The following ZNF71 variants were observed in gnomAD, a reference collection of about 807,000 sequenced individuals.
ZNF71 encodes the protein zinc finger protein 71.
In ZNF71, 3 loss-of-function variants were observed where a neutral mutation model predicts 6.7. The ratio of observed to expected loss-of-function variants is 0.45; its 90% CI spans 0.20 to 1.16. ZNF71 has a LOEUF of 1.16. ZNF71 is among the 50% of genes most tolerant of loss of function. The probability of loss-of-function intolerance (pLI) is 0.25; values close to 1 mark genes in which losing one functional copy is unlikely to be tolerated. For missense variants in ZNF71, 688 were observed against 728.6 expected, an observed-to-expected ratio of 0.94 and a Z score of 0.64; for synonymous variants, 343 against 311.1, an observed-to-expected ratio of 1.10 and a Z score of -1.08.
intron 1 of ZNF71, among the ~76,000 whole-genome samples, chr19:56,596,310 G>C (rs531975932): frequency 2.8e-4 from 42 of 152,140 alleles, no homozygotes; most frequent in Admixed American, 2.1e-3. Context: ...TGATGTTTGC[G>C]TGTGACTCTG....
chr19:56,619,983 C>T (rs1487977445), intron 3 of ZNF71, among the ~76,000 whole-genome samples: 1 of 152,124 alleles, frequency 6.6e-6, no homozygotes, highest in African/African-American at 2.4e-5. Context: ...AGGTATTTAG[C>T]CAGGGAGGGT....
chr19:56,622,361 G>A lies in ZNF71; in HGVS notation c.1254G>A (p.Glu418=). The A allele has an allele frequency of 6.2e-7, 1 of 1,612,610 alleles. No individual in the cohort carries two copies. The change falls in exon 4 of 4, where the codon GAG becomes GAA. Residue 418 remains glutamate (E), a synonymous_variant. Coordinates refer to ENST00000599599, the MANE Select transcript of ZNF71 (RefSeq NM_001370215.1). ...GCGTGAAGCCGTTCGAGTGCAGCGA[G>A]TGCGGCAAGGCCTTCAGCAAGAACT... ...HIGVKPFECS[E]CGKAFSKNSS...
Position 56,622,816 on chromosome 19 carries a change from G to A in ZNF71, c.*59G>A. On this transcript the variant is annotated 3_prime_UTR_variant, in exon 4 of 4. Transcript: ENST00000599599. ...CAGGACGGACGCCAGATGGCTGCGC[G>A]CTTTGTCAGCAGTGCTGTGAGAAGT... 6.5e-7 allele frequency: 1 copy of A among 1,537,964 alleles called. No homozygotes were observed. Among genetic ancestry groups the A allele is most frequent in the Non-Finnish European group, 8.8e-7 (1 of 1,140,440 alleles).
At position 56,622,797 on chromosome 19, in the gene ZNF71, G is replaced by A. The variant is rs201319397; in HGVS notation, c.*40G>A. Reference sequence around the variant, plus strand: ...GGCTCTCACTGGCGGTGCCCAGGACGGACGCCAGATGGCTGCGCGCTTTGT... The same window carrying A: ...GGCTCTCACTGGCGGTGCCCAGGACAGACGCCAGATGGCTGCGCGCTTTGT... On this transcript the variant is annotated 3_prime_UTR_variant, in exon 4 of 4. Transcript: ENST00000599599. The A allele has an allele frequency of 5.2e-6, 8 of 1,552,796 alleles. No individual in the cohort carries two copies. Among genetic ancestry groups the A allele is most frequent in the East Asian group, 4.5e-5 (2 of 44,338 alleles).
At chr19:56,614,799 A>T (rs1483618942) in intron 3 of ZNF71, among the ~76,000 whole-genome samples, 1 of 152,208 alleles carries the variant, frequency 6.6e-6, no homozygotes, top group Non-Finnish European at 1.5e-5. Flanking sequence ...GTGCATACCC[A>T]GGAAACCATC....
rs962726445 is a variant in ZNF71 at position 56,618,246 on chromosome 19, C to T, written c.161-3022C>T. On this transcript the variant is annotated intron_variant, in intron 3 of 3. Coordinates refer to ENST00000599599, the MANE Select transcript of ZNF71 (RefSeq NM_001370215.1). This position sits in a 1 kb window ranked among gnomAD's most constrained non-coding sequence, Gnocchi z 4.6. ...CTGTGCCTCAGGTGTATTGTGCCCTCGAGTACATCTCTGACTCCATTCTTG... is the reference window on the plus strand; with the variant it reads ...CTGTGCCTCAGGTGTATTGTGCCCTTGAGTACATCTCTGACTCCATTCTTG... Among the ~76,000 whole-genome samples the T allele has an allele frequency of 3.9e-5, 6 of 152,238 alleles. No homozygotes were observed. The highest frequency in any genetic ancestry group is 1.2e-4 in the African/African-American group (5 of 41,458).
chr19:56,606,527 T>G (rs946191882), intron 2 of ZNF71, among the ~76,000 whole-genome samples: 1 of 152,172 alleles, frequency 6.6e-6, no homozygotes, highest in Non-Finnish European at 1.5e-5. Flanking sequence ...TTGGGGTTGA[T>G]GGGCTCAGCT....
rs1169211321 is a variant in ZNF71, at chr19:56,621,904, G to A, written c.797G>A (p.Arg266His). Reference protein sequence around the residue: ...SQRMNLTVHQRTHTGEKPYVC... With the variant: ...SQRMNLTVHQHTHTGEKPYVC... Reference sequence around the variant, plus strand: ...CGCATGAACCTCACTGTGCACCAGCGCACGCACACGGGCGAGAAGCCGTAT... The same window carrying A: ...CGCATGAACCTCACTGTGCACCAGCACACGCACACGGGCGAGAAGCCGTAT... Residue 266 changes from arginine to histidine, a missense_variant, in exon 4 of 4, where the codon CGC becomes CAC. Physicochemically the swap from Arg to His is conservative, Grantham distance 29. Coordinates refer to ENST00000599599, the MANE Select transcript of ZNF71 (RefSeq NM_001370215.1). The A allele has an allele frequency of 6.2e-7, 1 of 1,613,406 alleles. No individual in the cohort carries two copies. The highest frequency in any genetic ancestry group is 1.3e-5 in the African/African-American group (1 of 74,876).
rs139078518 is a variant in ZNF71 at position 56,619,947 on chromosome 19, G to A, written c.161-1321G>A. Among the ~76,000 whole-genome samples, 100 of 152,342 alleles carry A rather than the reference G, an allele frequency of 6.6e-4. 1 individual carries two copies. The highest frequency in any genetic ancestry group is 2.3e-3 in the African/African-American group (95 of 41,580). ...TTTAGAAATGAACAGGATACACGTG[G>A]AAGGTGATTGAAGCTGTGGGCACAG... On this transcript the variant is annotated intron_variant, in intron 3 of 3. Transcript: ENST00000599599.
rs1600585132 is a variant in ZNF71 at position 56,603,020 on chromosome 19, G to A, written c.33+1429G>A. Among the ~76,000 whole-genome samples, 1 of 152,142 alleles carries A rather than the reference G, an allele frequency of 6.6e-6. No individual in the cohort carries two copies. Among genetic ancestry groups the A allele is most frequent in the South Asian group, 2.1e-4 (1 of 4,818 alleles). On this transcript the variant is annotated intron_variant, in intron 2 of 3. Transcript: ENST00000599599. This position sits in a 1 kb window ranked among gnomAD's most constrained non-coding sequence, Gnocchi z 4.6. ...TTGATTTTGCTATATAAATGTGTCAGTAGACTTATTTGGGAGCTTTGGTTT... is the reference window on the plus strand; with the variant it reads ...TTGATTTTGCTATATAAATGTGTCAATAGACTTATTTGGGAGCTTTGGTTT...
In ZNF71 at chr19:56,623,090, A is replaced by G. The variant is rs975605256; in HGVS notation, c.*333A>G. 1 of 301,402 alleles carries G rather than the reference A, an allele frequency of 3.3e-6. No individual in the cohort carries two copies. The highest frequency in any genetic ancestry group is 6.6e-6 in the Non-Finnish European group (1 of 152,632). 18.7% of individuals were successfully genotyped at this position (301,402 alleles called of 1,614,324 possible). A position where few individuals can be genotyped will look rare whatever the true frequency, so the allele number is the denominator to read the frequency against. On this transcript the variant is annotated 3_prime_UTR_variant, in exon 4 of 4. Transcript: ENST00000599599. The stretch of plus-strand genomic sequence containing the variant: ...TGGGACAGGTCACGCCTGCCTCCAC[A>G]TCTCTGTTTCTTCAGCGGGAAAGTG...
intron 3 of ZNF71, among the ~76,000 whole-genome samples, chr19:56,619,132 A>G (rs1412127526): frequency 6.6e-6 from 1 of 152,182 alleles, no homozygotes; most frequent in African/African-American, 2.4e-5. Context: ...AATTTTTTAA[A>G]TTTTATATTT....
intron 3 of ZNF71, among the ~76,000 whole-genome samples, chr19:56,615,558 G>GTTTT (rs60056272): frequency 1.4e-5 from 2 of 141,016 alleles, no homozygotes; most frequent in Admixed American, 7.1e-5. Context: ...GTCTTTTCCT[G>GTTTT]TTTTTTTTTT....
intron 1 of ZNF71, among the ~76,000 whole-genome samples, chr19:56,597,517 T>G (rs751801576): frequency 6.6e-6 from 1 of 152,298 alleles, no homozygotes; most frequent in South Asian, 2.1e-4. Flanking sequence ...TGTGTCCACA[T>G]CCACATGTTT....
At chr19:56,602,383 A>C (rs1198055404) in intron 2 of ZNF71, among the ~76,000 whole-genome samples, 1 of 152,232 alleles carries the variant, frequency 6.6e-6, no homozygotes, top group Admixed American at 6.5e-5. Flanking sequence ...TTTCCACATC[A>C]GTTACGGCGG....
rs1323226980 is a variant in ZNF71 at position 56,618,283 on chromosome 19, C to T, written c.161-2985C>T. Among the ~76,000 whole-genome samples the T allele has an allele frequency of 6.6e-6, 1 of 152,178 alleles. No individual in the cohort carries two copies. The highest frequency in any genetic ancestry group is 1.5e-5 in the Non-Finnish European group (1 of 68,040). On this transcript the variant is annotated intron_variant, in intron 3 of 3. Coordinates refer to ENST00000599599, the MANE Select transcript of ZNF71 (RefSeq NM_001370215.1). This position sits in a 1 kb window ranked among gnomAD's most constrained non-coding sequence, Gnocchi z 4.6. ...TGACTCCATTCTTGTATCTCCGTTT[C>T]CTCATCAGCAAAATGAGGATGGTCA...
At chr19:56,614,358 T>C (rs1443193670) in intron 3 of ZNF71, among the ~76,000 whole-genome samples, 1 of 152,248 alleles carries the variant, frequency 6.6e-6, no homozygotes, top group Non-Finnish European at 1.5e-5. Flanking sequence ...ATTATGAGGC[T>C]GTAGAGGAAA....
chr19:56,597,828 G>C (rs955230248), intron 1 of ZNF71, among the ~76,000 whole-genome samples: 16 of 152,118 alleles, frequency 1.1e-4, no homozygotes, highest in African/African-American at 3.9e-4. Context: ...CCAGGAACAG[G>C]GTTGCTGGGT....
rs2044858189 is a variant in ZNF71, at chr19:56,622,054, A to G, written c.947A>G (p.His316Arg). ...GGCAAGGCCTTCAGCCAGAACATGC[A>G]CCTCATCGTGCACCAGCGCACGCAC... ...DCGKAFSQNM[H>R]LIVHQRTHTG... The change falls in exon 4 of 4, where the codon CAC (histidine) becomes CGC (arginine). Residue 316 changes from histidine (H) to arginine (R), a missense_variant. His to Arg is a conservative substitution (Grantham distance 29). Transcript: ENST00000599599. 1.9e-6 allele frequency: 3 copies of G among 1,611,768 alleles called. No individual in the cohort carries two copies. Among genetic ancestry groups the G allele is most frequent in the Non-Finnish European group, 2.5e-6 (3 of 1,179,042 alleles).
Sources: gnomAD v4.1 joint callset for allele counts (sites outside exome capture counted in the v4.1 genomes callset) on GRCh38, gnomAD v4.1.1 for gene constraint, Gnocchi (gnomAD v3.1) non-coding constraint, MANE v1.5 for transcripts, NCBI Gene and HGNC (gene_info 2026-07-23, HGNC 2026-07-21) for gene names.